The following RYR1 variants were observed in gnomAD, a reference collection of about 807,000 sequenced individuals.
RYR1 encodes central core disease of muscle.
In RYR1, 342 loss-of-function variants were observed where a neutral mutation model predicts 583.5. That is an observed-to-expected ratio of 0.59 (90% CI 0.54 to 0.64). The LOEUF is 0.64. RYR1 is among the 30% of genes least tolerant of loss of function. The probability of loss-of-function intolerance (pLI) is 0.00; values close to 1 mark genes in which losing one functional copy is unlikely to be tolerated. For missense variants in RYR1, 6,032 were observed against 6,917.2 expected, an observed-to-expected ratio of 0.87 and a Z score of 4.54; for synonymous variants, 2,791 against 2,822.5, an observed-to-expected ratio of 0.99 and a Z score of 0.35.
In RYR1 at chr19:38,512,313, A is replaced by G. The variant is rs772126838; in HGVS notation, c.9302A>G (p.Glu3101Gly). 3.7e-6 allele frequency: 6 copies of G among 1,614,226 alleles called. No homozygotes were observed. In the South Asian group the frequency reaches 6.6e-5, roughly 18 times the overall value. ...CGCTCCTTCTTCGAGAGTGCCTCGG[A>G]GGACATCGAGAAGATGGTGGAGAAC... ...GLRSFFESAS[E>G]DIEKMVENLR... The change falls in exon 63 of 106, where the codon GAG (glutamate) becomes GGG (glycine). Residue 3101 changes from glutamate to glycine, a missense_variant. Glu to Gly is a moderately conservative substitution (Grantham distance 98). This residue lies in a region of RYR1 where 1,493 missense variants were observed against 1,715.5 expected (regional missense o/e 0.87). Coordinates refer to ENST00000359596, the MANE Select transcript of RYR1 (RefSeq NM_000540.3). This position sits in a 1 kb window ranked among gnomAD's most constrained non-coding sequence, Gnocchi z 5.1.
rs190326740 is a variant in RYR1 at position 38,573,969 on chromosome 19, G to A, written c.14129+662G>A. On this transcript the variant is annotated intron_variant, in intron 96 of 105. Transcript: ENST00000359596. ...AAAATAAAAAAACATGGCCAGGCAC[G>A]ATGGCTCATGCCTGTAATCCCAACA... 5.6e-3 allele frequency among the ~76,000 whole-genome samples: 847 copies of A among 152,206 alleles called. 1 individual carries two copies. Among genetic ancestry groups the A allele is most frequent in the Non-Finnish European group, 8.2e-3 (557 of 68,010 alleles).
intron 10 of RYR1, 23 bp downstream of exon 10, chr19:38,448,534 T>C: frequency 6.2e-7 from 1 of 1,612,204 alleles, no homozygotes; most frequent in Non-Finnish European, 8.5e-7. Flanking sequence ...TGTGGCGCCC[T>C]CCCTCACCTG....
Position 38,504,232 on chromosome 19 carries a change from C to T in RYR1, c.7939C>T (p.His2647Tyr). 6.2e-7 allele frequency: 1 copy of T among 1,613,540 alleles called. No homozygotes were observed. Among genetic ancestry groups the T allele is most frequent in the East Asian group, 2.2e-5 (1 of 44,860 alleles). ...TGTTCCCACCCAGCTCCTCACCAAC[C>T]ACTATGAGCGCTGTTGGAAGTACTA... ...AKMPLKLLTN[H>Y]YERCWKYYCL... The change falls in exon 50 of 106, where the codon CAC becomes TAC. Residue 2647 changes from histidine (H) to tyrosine (Y), a missense_variant. Around this residue, in one of 11 missense-constraint regions of RYR1, gnomAD observed 1,493 missense variants for 1,715.5 expected, o/e 0.87. Transcript: ENST00000359596.
Position 38,444,623 on chromosome 19 carries a change from T to A in RYR1, c.577T>A (p.Ser193Thr), listed in dbSNP as rs886054379. 33 of 1,613,930 alleles carry A rather than the reference T, an allele frequency of 2.0e-5. No homozygotes were observed. Among genetic ancestry groups the A allele is most frequent in the Non-Finnish European group, 2.7e-5 (32 of 1,179,992 alleles). The change falls in exon 7 of 106, where the codon TCC becomes ACC. Residue 193 changes from serine (S) to threonine (T), a missense_variant. By Grantham distance (58) the Ser-to-Thr change is moderately conservative. Around this residue, in one of 11 missense-constraint regions of RYR1, gnomAD observed 338 missense variants for 441.6 expected, o/e 0.77. Coordinates refer to ENST00000359596, the MANE Select transcript of RYR1 (RefSeq NM_000540.3). This position sits in a 1 kb window ranked among gnomAD's most constrained non-coding sequence, Gnocchi z 5.1. ...CAGTGGGGAGCTCCAGGTTGACGCT[T>A]CCTTCATGCAGACACTATGGAACAT... Reference protein sequence around the residue: ...TASGELQVDASFMQTLWNMNP... With the variant: ...TASGELQVDATFMQTLWNMNP...
At position 38,499,042 on chromosome 19, in the gene RYR1, G is replaced by A. The variant is rs1969974891; in HGVS notation, c.6892-66G>A. 3.1e-6 allele frequency: 5 copies of A among 1,598,508 alleles called. No individual in the cohort carries two copies. The South Asian group carries it at 4.5e-5, about 14-fold the overall frequency. On this transcript the variant is annotated intron_variant, in intron 42 of 105. Transcript: ENST00000359596. This position sits in a 1 kb window ranked among gnomAD's most constrained non-coding sequence, Gnocchi z 7.3. The stretch of plus-strand genomic sequence containing the variant: ...CCGCAGGGCAGGGCAGGGCAGGGCA[G>A]AGGGCTGAGCCCCAGGAGGAAGGTG...
chr19:38,567,247 C>A (rs1025883895), intron 92 of RYR1, among the ~76,000 whole-genome samples: 8 of 151,994 alleles, frequency 5.3e-5, no homozygotes, highest in Non-Finnish European at 1.2e-4. Context: ...GATCACTTGA[C>A]CCCTGGAGGT....
intron 27 of RYR1, among the ~76,000 whole-genome samples, chr19:38,472,238 A>G (rs934355110): frequency 6.6e-6 from 1 of 152,104 alleles, no homozygotes; most frequent in Non-Finnish European, 1.5e-5. Flanking sequence ...AGCTGGAATT[A>G]CAGGCATGTG....
At chr19:38,566,797 TA>T in intron 91 of RYR1, 113 bp from the exon 92 acceptor site, 1 of 1,539,260 alleles carries the variant, frequency 6.5e-7, no homozygotes, top group Non-Finnish European at 8.8e-7. Flanking sequence ...GAGGGAAGTG[TA>T]AAACTTAGAT....
chr19:38,584,401 C>A (rs1282878553), intron 101 of RYR1, among the ~76,000 whole-genome samples: 1 of 135,850 alleles, frequency 7.4e-6, no homozygotes, highest in Non-Finnish European at 1.6e-5. Flanking sequence ...AACCTCTCAG[C>A]CTGTACCCTC....
chr19:38,534,087 C>G (rs1429681614), intron 78 of RYR1, among the ~76,000 whole-genome samples: 1 of 149,724 alleles, frequency 6.7e-6, no homozygotes, highest in African/African-American at 2.5e-5. Context: ...TCTCAGCTCA[C>G]TGCAACCTCC....
rs373528296 is a variant in RYR1, at chr19:38,489,244, C to T, written c.5615C>T (p.Thr1872Ile). The change falls in exon 35 of 106, where the codon ACT (threonine) becomes ATT (isoleucine). Residue 1872 changes from threonine to isoleucine, a missense_variant. Coordinates refer to ENST00000359596, the MANE Select transcript of RYR1 (RefSeq NM_000540.3). ...ILKMIEPEVF[T>I]EEEEEEDEEE... ...AAGATGATTGAGCCTGAGGTCTTCA[C>T]TGAGGAAGAAGAGGAGGAGGACGAG... 1 of 1,612,468 alleles carries T rather than the reference C, an allele frequency of 6.2e-7. No homozygotes were observed. The highest frequency in any genetic ancestry group is 1.3e-5 in the African/African-American group (1 of 74,532).
intron 31 of RYR1, 139 bp downstream of exon 31, chr19:38,478,739 G>A (rs1968870422): frequency 2.2e-6 from 2 of 921,042 alleles, no homozygotes; most frequent in Non-Finnish European, 3.4e-6. Context: ...GTCGCTGGGA[G>A]ACCACCTTGT....
In RYR1 at chr19:38,458,053, T is replaced by C; in HGVS notation, c.1928T>C (p.Ile643Thr). 1 of 1,613,460 alleles carries C rather than the reference T, an allele frequency of 6.2e-7. No homozygotes were observed. Among genetic ancestry groups the C allele is most frequent in the Non-Finnish European group, 8.5e-7 (1 of 1,179,996 alleles). The change falls in exon 18 of 106, where the codon ATC becomes ACC. Residue 643 changes from isoleucine (I) to threonine (T), a missense_variant and splice_region_variant. Physicochemically the swap from Ile to Thr is moderately conservative, Grantham distance 89 (BLOSUM62 -1). Around this residue, in one of 11 missense-constraint regions of RYR1, gnomAD observed 2,627 missense variants for 2,961.3 expected, o/e 0.89. Transcript: ENST00000359596. ...CTCCTGTCCCATCTCTCCTGCAGCA[T>C]CCGCCCCAACATCTTTGTGGGCCGA... ...QTNLINYVTS[I>T]RPNIFVGRAE...
chr19:38,548,458 G>A lies in RYR1; in HGVS notation c.12282+38G>A, dbSNP rs202155484. The A allele has an allele frequency of 7.5e-6, 12 of 1,604,652 alleles. No individual in the cohort carries two copies. In the African/African-American group the frequency reaches 1.3e-4, roughly 18 times the overall value. ...CATCGTGTGGGCCCAGGACTTGGGT[G>A]GGGTTGCCAAGGGCCAGCCATACCC... On this transcript the variant is annotated intron_variant, in intron 89 of 105. Transcript: ENST00000359596.
intron 42 of RYR1, among the ~76,000 whole-genome samples, chr19:38,498,385 G>A (rs1969943695): frequency 6.6e-6 from 1 of 152,124 alleles, no homozygotes; most frequent in African/African-American, 2.4e-5. Context: ...GGAGGCTCGT[G>A]TTGTGGTCCA....
At chr19:38,570,740 T>C in intron 94 of RYR1, 47 bp downstream of exon 94, 1 of 1,453,742 alleles carries the variant, frequency 6.9e-7, no homozygotes, top group Middle Eastern at 2.0e-4. Flanking sequence ...TTCCATGCTG[T>C]GGGATGGGAG....
chr19:38,570,917 G>T (rs1203160439), intron 94 of RYR1, among the ~76,000 whole-genome samples: 1 of 152,222 alleles, frequency 6.6e-6, no homozygotes, highest in African/African-American at 2.4e-5. Flanking sequence ...GAGTGTCTGT[G>T]GGAGTTAGAG....
intron 78 of RYR1, among the ~76,000 whole-genome samples, chr19:38,533,631 A>G (rs1243136014): frequency 6.6e-6 from 1 of 152,032 alleles, no homozygotes. Context: ...ATCTCTACTA[A>G]AAATACAAAA....
chr19:38,564,241 A>G (rs545461510), intron 90 of RYR1, among the ~76,000 whole-genome samples: 2 of 151,886 alleles, frequency 1.3e-5, no homozygotes, highest in East Asian at 3.9e-4. Flanking sequence ...AGAAATTAGC[A>G]GGCCAGTCAT....
Sources: allele counts gnomAD v4.1 joint callset (sites outside exome capture counted in the v4.1 genomes callset), GRCh38; gene constraint gnomAD v4.1.1; regional missense constraint gnomAD v4.1.1; non-coding constraint Gnocchi (gnomAD v3.1); transcripts MANE v1.5; gene names NCBI Gene and HGNC (gene_info 2026-07-23, HGNC 2026-07-21).